Variants in PDE1C observed in about 807,000 individuals in gnomAD.
The protein encoded by PDE1C is phosphodiesterase 1C.
Under a neutral mutation model 93.1 loss-of-function variants are expected in PDE1C, and 62 were observed. That is an observed-to-expected ratio of 0.67 (90% CI 0.54 to 0.82). PDE1C has a LOEUF of 0.82. Among genes scored for constraint, PDE1C ranks in the 40% least tolerant of loss-of-function variants. PDE1C has a pLI of 0.00. For synonymous variants in PDE1C, 325 were observed against 310.1 expected (o/e 1.05, Z -0.50); for missense variants, 742 against 884.6 (o/e 0.84, Z 2.04).
the PDE1C span, among the ~76,000 whole-genome samples, chr7:31,691,385 G>A: frequency 6.6e-6 from 1 of 152,144 alleles, no homozygotes; most frequent in African/African-American, 2.4e-5. Context: ...AGAATTGGTT[G>A]GGCGATTTTA....
the PDE1C span, among the ~76,000 whole-genome samples, chr7:31,628,845 TTC>T: frequency 6.6e-6 from 1 of 152,326 alleles, no homozygotes; most frequent in East Asian, 1.9e-4. Flanking sequence ...GCACTATTTC[TTC>T]TTACTGTCTG....
chr7:31,897,459 T>C (rs1799452496), intron 2 of PDE1C, among the ~76,000 whole-genome samples: 2 of 152,216 alleles, frequency 1.3e-5, no homozygotes, highest in Admixed American at 6.5e-5. Flanking sequence ...TTTCAATCAC[T>C]TCTTTGGTTT....
At chr7:31,683,137 G>T in the PDE1C span, among the ~76,000 whole-genome samples, 1 of 152,154 alleles carries the variant, frequency 6.6e-6, no homozygotes, top group Admixed American at 6.5e-5. Context: ...ACAGAGTTGG[G>T]GAAATCTGAA....
intron 2 of PDE1C, among the ~76,000 whole-genome samples, chr7:32,001,486 G>T (rs1208784195): frequency 6.6e-6 from 1 of 152,166 alleles, no homozygotes; most frequent in Non-Finnish European, 1.5e-5. Context: ...CTGTGAGGCT[G>T]TGAGCTCCAT....
intron 3 of PDE1C, among the ~76,000 whole-genome samples, chr7:32,146,298 C>T (rs1444423413): frequency 6.6e-6 from 1 of 152,170 alleles, no homozygotes; most frequent in Non-Finnish European, 1.5e-5. Context: ...CAAGTCAACA[C>T]AAATGCATTA....
the PDE1C span, among the ~76,000 whole-genome samples, chr7:31,651,444 A>G: frequency 1.6e-4 from 24 of 152,142 alleles, no homozygotes; most frequent in Non-Finnish European, 4.4e-5. Flanking sequence ...TGTGAGAGCC[A>G]TTTGCTAGAT....
intron 2 of PDE1C, among the ~76,000 whole-genome samples, chr7:31,899,844 A>G (rs560554137): frequency 1.9e-3 from 295 of 152,274 alleles, no homozygotes; most frequent in African/African-American, 6.7e-3. Flanking sequence ...GTGATTCTCA[A>G]GGGGGGTTGC....
At chr7:32,232,858 G>A (rs1043503821) in intron 1 of PDE1C, among the ~76,000 whole-genome samples, 1 of 152,174 alleles carries the variant, frequency 6.6e-6, no homozygotes, top group African/African-American at 2.4e-5. Flanking sequence ...ACAACCCACA[G>A]AAGGCTGGTC....
At chr7:31,666,968 C>A in the PDE1C span, among the ~76,000 whole-genome samples, 1 of 152,142 alleles carries the variant, frequency 6.6e-6, no homozygotes, top group Non-Finnish European at 1.5e-5. Context: ...GCTAGGGTTG[C>A]AGTAGGTGCC....
chr7:31,886,870 G>GGAATAGATCTATTCTGAAAA (rs752979495), intron 2 of PDE1C, among the ~76,000 whole-genome samples: 10 of 119,148 alleles, frequency 8.4e-5, no homozygotes, highest in Non-Finnish European at 9.9e-5. Flanking sequence ...AGATCTATTC[G>GGAATAGATCTATTCTGAAAA]GATCTATTCA....
intron 1 of PDE1C, among the ~76,000 whole-genome samples, chr7:32,336,370 G>A (rs1305476923): frequency 6.6e-6 from 1 of 152,150 alleles, no homozygotes; most frequent in Non-Finnish European, 1.5e-5. Context: ...ATCCATTAGA[G>A]AGAGATTGTT....
intron 16 of PDE1C, among the ~76,000 whole-genome samples, chr7:31,801,326 A>C (rs1446343077): frequency 2.0e-5 from 3 of 151,412 alleles, no homozygotes; most frequent in African/African-American, 7.3e-5. Flanking sequence ...TAATAACATA[A>C]TACAAACATC....
intron 15 of PDE1C, 73 bp downstream of exon 15, chr7:31,815,851 T>C (rs541225582): frequency 3.6e-6 from 4 of 1,122,014 alleles, no homozygotes; most frequent in South Asian, 2.5e-5. Context: ...ATCAGTAGGG[T>C]TGTTCACCAG....
At position 32,299,119 on chromosome 7, in the gene PDE1C, G is replaced by A. The variant is rs188408490; in HGVS notation, c.-384C>T. ...TCAGCCGCGGATCCCGCGCGCCACAGGAAAGTCTGTTTTCTACTTCACCTT... is the reference window on the plus strand; with the variant it reads ...TCAGCCGCGGATCCCGCGCGCCACAAGAAAGTCTGTTTTCTACTTCACCTT... On this transcript the variant is annotated 5_prime_UTR_variant, in exon 1 of 19. Coordinates refer to the PDE1C transcript ENST00000396193. 95 of 1,046,840 alleles carry A rather than the reference G, an allele frequency of 9.1e-5. No individual in the cohort carries two copies. In the African/African-American group the frequency reaches 1.5e-3, roughly 17 times the overall value. The allele number at this position is 1,046,840 out of a possible 1,614,324, so 64.8% of individuals were successfully genotyped here.
chr7:31,836,877 C>A (rs1333951075), intron 11 of PDE1C, among the ~76,000 whole-genome samples: 4 of 151,706 alleles, frequency 2.6e-5, no homozygotes, highest in Admixed American at 6.6e-5. Context: ...TTTTGTCGAG[C>A]CACTAGAAAA....
At chr7:32,064,077 AAAC>A (rs1165904428) in intron 1 of PDE1C, among the ~76,000 whole-genome samples, 6 of 152,212 alleles carry the variant, frequency 3.9e-5, no homozygotes, top group African/African-American at 1.4e-4. Context: ...TGGGGGAAAC[AAAC>A]AACAATTTTT....
chr7:31,842,773 A>T (rs1562903588), intron 9 of PDE1C, among the ~76,000 whole-genome samples: 1 of 150,790 alleles, frequency 6.6e-6, no homozygotes, highest in African/African-American at 2.4e-5. Flanking sequence ...ATCATTACTA[A>T]TTTCTTCTAT....
chr7:32,080,879 G>A lies in PDE1C; in HGVS notation c.308+88906C>T, dbSNP rs181803544. Among the ~76,000 whole-genome samples, 54 of 152,228 alleles carry A rather than the reference G, an allele frequency of 3.5e-4. 1 individual carries two copies. The East Asian group carries it at 6.0e-3, about 17-fold the overall frequency. ...AAAGACCCTGAAGGCACTGTGACTC[G>A]GCCCATAATCCTTCACTCTTAGACT... is the stretch of plus-strand genomic sequence containing the variant. On this transcript the variant is annotated intron_variant, in intron 3 of 18. Coordinates refer to the PDE1C transcript ENST00000396193.
intron 9 of PDE1C, among the ~76,000 whole-genome samples, chr7:31,847,684 T>C (rs1434533726): frequency 6.6e-6 from 1 of 152,088 alleles, no homozygotes; most frequent in African/African-American, 2.4e-5. Context: ...TCCCAATTCA[T>C]CAATAAAAAG....
Sources: gnomAD v4.1 joint callset for allele counts (sites outside exome capture counted in the v4.1 genomes callset) on GRCh38, gnomAD v4.1.1 for gene constraint, MANE v1.5 for transcripts, NCBI Gene and HGNC (gene_info 2026-07-23, HGNC 2026-07-21) for gene names.